MVB12B: variants seen among roughly 807,000 people sequenced by gnomAD.
The protein encoded by MVB12B is ESCRT-I complex subunit MVB12B.
Under a neutral mutation model 41.6 loss-of-function variants are expected in MVB12B, and 16 were observed. The ratio of observed to expected loss-of-function variants is 0.38; its 90% CI spans 0.26 to 0.58. The LOEUF (loss-of-function observed/expected upper bound fraction) is 0.58, where lower values mean the gene tolerates loss of function less well. MVB12B is among the 20% of genes least tolerant of loss of function. MVB12B has a pLI of 0.62. For missense variants in MVB12B, 274 were observed against 380.2 expected (o/e 0.72, Z 2.32); for synonymous variants, 133 against 139.7 (o/e 0.95, Z 0.34).
chr9:126,397,162 G>A, intron 6 of MVB12B: 15 of 985,516 alleles, frequency 1.5e-5, no homozygotes, highest in Non-Finnish European at 1.8e-5. Context: ...CAGTTGCCCT[G>A]AAGTTGTTAC....
At chr9:126,415,557 T>C (rs1831793119) in intron 6 of MVB12B, among the ~76,000 whole-genome samples, 1 of 152,176 alleles carries the variant, frequency 6.6e-6, no homozygotes, top group Admixed American at 6.5e-5. Context: ...TCAGAAATAG[T>C]TGCATTTTCC....
At chr9:126,461,510 A>G (rs2119176637) in intron 7 of MVB12B, among the ~76,000 whole-genome samples, 1 of 152,358 alleles carries the variant, frequency 6.6e-6, no homozygotes, top group Non-Finnish European at 1.5e-5. Flanking sequence ...CTTTTCTACT[A>G]GCCCAGCGTT....
intron 7 of MVB12B, among the ~76,000 whole-genome samples, chr9:126,466,643 A>T (rs1470411951): frequency 6.6e-6 from 1 of 152,162 alleles, no homozygotes; most frequent in Non-Finnish European, 1.5e-5. Context: ...TAAGGAGGAA[A>T]AAAGTGTTGT....
chr9:126,413,988 C>A (rs1358817105), intron 6 of MVB12B, among the ~76,000 whole-genome samples: 1 of 152,090 alleles, frequency 6.6e-6, no homozygotes, highest in East Asian at 1.9e-4. Context: ...TGGGCAGAAC[C>A]ATCTTCATTA....
intron 7 of MVB12B, among the ~76,000 whole-genome samples, chr9:126,461,873 C>T (rs1449636649): frequency 2.0e-5 from 3 of 152,144 alleles, no homozygotes; most frequent in Non-Finnish European, 4.4e-5. Context: ...CATGGGGGCC[C>T]TCGCCCACCC....
intron 6 of MVB12B, among the ~76,000 whole-genome samples, chr9:126,411,954 A>G (rs1229026433): frequency 6.6e-6 from 1 of 152,204 alleles, no homozygotes; most frequent in African/African-American, 2.4e-5. Flanking sequence ...TTCGAGTGTT[A>G]GTCAGGCCCT....
chr9:126,395,461 T>C lies in MVB12B; in HGVS notation c.540-114T>C, dbSNP rs566873780. The C allele has an allele frequency of 1.5e-6, 2 of 1,291,184 alleles. No individual in the cohort carries two copies. Among genetic ancestry groups the C allele is most frequent in the Admixed American group, 4.0e-5 (2 of 50,482 alleles). 80.0% of individuals were successfully genotyped at this position (1,291,184 alleles called of 1,614,324 possible). On this transcript the variant is annotated intron_variant, in intron 5 of 9. Transcript: ENST00000361171. The surrounding 1 kb of genome is among the most constrained non-coding windows in gnomAD (Gnocchi z 4.9). ...ACCCATTTCACGTGGAGGGCAAGAA[T>C]TGATTCCCTGGTGTTTGAGGCCATG...
At chr9:126,383,381 G>T (rs1564301016) in intron 3 of MVB12B, among the ~76,000 whole-genome samples, 1 of 152,132 alleles carries the variant, frequency 6.6e-6, no homozygotes, top group Non-Finnish European at 1.5e-5. Flanking sequence ...TCCTGGGGAA[G>T]GATCGAGATT....
rs190134331 is a variant in MVB12B at position 126,402,874 on chromosome 9, G to A, written c.662+7177G>A. On this transcript the variant is annotated intron_variant, in intron 6 of 9. Transcript: ENST00000361171. Reference sequence around the variant, plus strand: ...TGTCTTTTAAGATGAAGACTGTAGCGCAGGGTTCTTTACACAAGGAGCACG... The same window carrying A: ...TGTCTTTTAAGATGAAGACTGTAGCACAGGGTTCTTTACACAAGGAGCACG... Among the ~76,000 whole-genome samples, 17 of 152,330 alleles carry A rather than the reference G, an allele frequency of 1.1e-4. No homozygotes were observed. In the East Asian group the frequency reaches 2.3e-3, roughly 21 times the overall value.
Position 126,476,648 on chromosome 9 carries a change from G to A in MVB12B, c.758-4721G>A, listed in dbSNP as rs537546790. On this transcript the variant is annotated intron_variant, in intron 7 of 9. Coordinates refer to ENST00000361171, the MANE Select transcript of MVB12B (RefSeq NM_033446.3). ...TCCCAAGACTTTGGGAGGCTGAGGC[G>A]GGCGGATCACAAGGTCAGGAGATCG... is the stretch of plus-strand genomic sequence containing the variant. Among the ~76,000 whole-genome samples, 170 of 152,150 alleles carry A rather than the reference G, an allele frequency of 1.1e-3. 1 individual carries two copies. The highest frequency in any genetic ancestry group is 1.7e-3 in the Non-Finnish European group (117 of 67,976).
chr9:126,494,338 GCCA>G (rs1833788637), intron 9 of MVB12B, among the ~76,000 whole-genome samples: 3 of 152,264 alleles, frequency 2.0e-5, no homozygotes, highest in Admixed American at 2.0e-4. Context: ...TGTCCTGGCA[GCCA>G]CCACCACCAC....
At chr9:126,448,354 A>G (rs1358926393) in intron 7 of MVB12B, 1 of 152,296 alleles carries the variant, frequency 6.6e-6, no homozygotes, top group African/African-American at 2.4e-5. Context: ...AGCCCTGCTC[A>G]GAGCCGTTCT....
chr9:126,335,417 T>C, intron 1 of MVB12B: 1 of 1,304,050 alleles, frequency 7.7e-7, no homozygotes, highest in Non-Finnish European at 1.0e-6. Context: ...GGTAGGTCTC[T>C]GCAACTTTCT....
intron 7 of MVB12B, among the ~76,000 whole-genome samples, chr9:126,437,764 A>G (rs1389505799): frequency 1.3e-5 from 2 of 152,234 alleles, no homozygotes; most frequent in Non-Finnish European, 2.9e-5. Flanking sequence ...AGCAGATATG[A>G]CTGATCCTCA....
chr9:126,499,730 TGGC>T (rs1833912687), intron 9 of MVB12B, among the ~76,000 whole-genome samples: 1 of 151,748 alleles, frequency 6.6e-6, no homozygotes, highest in East Asian at 1.9e-4. Context: ...CGGGGGTGGG[TGGC>T]GCTTTTCTCC....
intron 2 of MVB12B, among the ~76,000 whole-genome samples, chr9:126,375,790 C>A (rs1319546051): frequency 6.6e-6 from 1 of 152,232 alleles, no homozygotes; most frequent in Non-Finnish European, 1.5e-5. Context: ...CAGAGTTCCT[C>A]AGAATTTTGA....
chr9:126,422,091 C>G, intron 7 of MVB12B, 143 bp downstream of exon 7: 1 of 624,576 alleles, frequency 1.6e-6, no homozygotes, highest in South Asian at 1.9e-5. Context: ...CCTGCAGGGA[C>G]CAGGCCTTCC....
chr9:126,397,158 C>G (rs1005180516), intron 6 of MVB12B: 18 of 985,390 alleles, frequency 1.8e-5, no homozygotes, highest in Non-Finnish European at 2.0e-5. Flanking sequence ...GGAGCAGTTG[C>G]CCTGAAGTTG....
chr9:126,473,791 A>G lies in MVB12B; in HGVS notation c.758-7578A>G, dbSNP rs1833371018. Among the ~76,000 whole-genome samples, 1 of 152,192 alleles carries G rather than the reference A, an allele frequency of 6.6e-6. No individual in the cohort carries two copies. ...ATACCGGGGATTACAATTGAACATG[A>G]GATTTGGGTATTTGGGTGGGGACAC... On this transcript the variant is annotated intron_variant, in intron 7 of 9. Coordinates refer to ENST00000361171, the MANE Select transcript of MVB12B (RefSeq NM_033446.3). The surrounding 1 kb of genome is among the most constrained non-coding windows in gnomAD (Gnocchi z 4.0).
Sources: gnomAD v4.1 joint callset for allele counts (sites outside exome capture counted in the v4.1 genomes callset) on GRCh38, gnomAD v4.1.1 for gene constraint, Gnocchi (gnomAD v3.1) non-coding constraint, MANE v1.5 for transcripts, NCBI Gene and HGNC (gene_info 2026-07-23, HGNC 2026-07-21) for gene names.